Variants in TEK observed in about 807,000 individuals in gnomAD.
The protein encoded by TEK is TEK receptor tyrosine kinase.
A neutral mutation model predicts 131.8 loss-of-function variants in TEK; 43 were observed. That is an observed-to-expected ratio of 0.33 (90% CI 0.26 to 0.42). The LOEUF (loss-of-function observed/expected upper bound fraction) is 0.42. TEK is among the 10% of genes least tolerant of loss of function. TEK has a pLI of 1.00. For synonymous variants in TEK, 580 were observed against 491.6 expected, an observed-to-expected ratio of 1.18 and a Z score of -2.38; for missense variants, 1,162 against 1,384.4, an observed-to-expected ratio of 0.84 and a Z score of 2.55.
At chr9:27,169,126 A>G (rs3818283) in intron 3 of TEK, among the ~76,000 whole-genome samples, 114,655 of 152,060 alleles carry the variant, frequency 0.75, 43,554 homozygotes, top group Middle Eastern at 0.86. Flanking sequence ...GCGATTATAG[A>G]TATCTCCTGG....
At chr9:27,187,806 G>A (rs1324206527) in intron 9 of TEK, among the ~76,000 whole-genome samples, 1 of 152,032 alleles carries the variant, frequency 6.6e-6, no homozygotes, top group Non-Finnish European at 1.5e-5. Context: ...TTAGGACACA[G>A]GTACAGGGTC....
At chr9:27,162,884 T>G (rs1823594374) in intron 2 of TEK, among the ~76,000 whole-genome samples, 1 of 152,028 alleles carries the variant, frequency 6.6e-6, no homozygotes, top group Non-Finnish European at 1.5e-5. Flanking sequence ...CCCAGCTTGT[T>G]TTCGTATTTT....
At chr9:27,200,183 G>A (rs1449547931) in intron 12 of TEK, among the ~76,000 whole-genome samples, 1 of 151,992 alleles carries the variant, frequency 6.6e-6, no homozygotes, top group Non-Finnish European at 1.5e-5. Flanking sequence ...ATCTATTTCT[G>A]GATGTTCTGT....
chr9:27,154,097 T>C (rs1234624851), intron 1 of TEK, among the ~76,000 whole-genome samples: 1 of 152,216 alleles, frequency 6.6e-6, no homozygotes, highest in African/African-American at 2.4e-5. Flanking sequence ...GGGACATATA[T>C]GTCCATGGCT....
intron 2 of TEK, among the ~76,000 whole-genome samples, chr9:27,162,021 T>C (rs1328068054): frequency 2.0e-5 from 3 of 152,148 alleles, no homozygotes; most frequent in Non-Finnish European, 4.4e-5. Flanking sequence ...AATGGAAAAA[T>C]AGGTATGTTC....
At chr9:27,212,447 C>T (rs1334307744) in intron 16 of TEK, among the ~76,000 whole-genome samples, 1 of 152,084 alleles carries the variant, frequency 6.6e-6, no homozygotes, top group African/African-American at 2.4e-5. Context: ...TTTCAGGAAG[C>T]CCTCTGTGTG....
chr9:27,132,779 G>A (rs1822273575), intron 1 of TEK, among the ~76,000 whole-genome samples: 2 of 152,132 alleles, frequency 1.3e-5, no homozygotes, highest in Admixed American at 1.3e-4. Flanking sequence ...GTTTTTAAAT[G>A]TATGGTCACC....
intron 15 of TEK, among the ~76,000 whole-genome samples, chr9:27,206,994 C>T (rs1022426473): frequency 6.6e-6 from 1 of 152,356 alleles, no homozygotes; most frequent in African/African-American, 2.4e-5. Flanking sequence ...GCCATTTAAA[C>T]ATCACTGTCT....
At chr9:27,206,846 G>T in intron 15 of TEK, 54 bp downstream of exon 15, 1 of 1,577,706 alleles carries the variant, frequency 6.3e-7, no homozygotes, top group South Asian at 1.1e-5. Context: ...GAGAAAACTT[G>T]ATTTCCTGCT....
At chr9:27,165,529 T>A (rs946019847) in intron 2 of TEK, among the ~76,000 whole-genome samples, 4 of 152,162 alleles carry the variant, frequency 2.6e-5, no homozygotes, top group African/African-American at 9.7e-5. Flanking sequence ...CATGCTCATA[T>A]CACAAATGTC....
intron 1 of TEK, among the ~76,000 whole-genome samples, chr9:27,125,660 A>G (rs1282200208): frequency 6.6e-6 from 1 of 152,210 alleles, no homozygotes; most frequent in Non-Finnish European, 1.5e-5. Flanking sequence ...GAGGATAACA[A>G]TATTACCCTT....
intron 20 of TEK, among the ~76,000 whole-genome samples, 165 bp from the exon 21 acceptor site, chr9:27,219,884 C>T (rs143940612): frequency 1.3e-5 from 2 of 152,278 alleles, no homozygotes; most frequent in East Asian, 3.9e-4. Flanking sequence ...ATAGTGTAAG[C>T]CCAGCTTTGA....
At chr9:27,124,627 T>C (rs1241615407) in intron 1 of TEK, among the ~76,000 whole-genome samples, 1 of 152,208 alleles carries the variant, frequency 6.6e-6, no homozygotes, top group African/African-American at 2.4e-5. Flanking sequence ...TTGGGGCCAA[T>C]AATTCAACCT....
At chr9:27,194,927 C>T (rs1824952941) in intron 11 of TEK, among the ~76,000 whole-genome samples, 1 of 151,964 alleles carries the variant, frequency 6.6e-6, no homozygotes, top group African/African-American at 2.4e-5. Flanking sequence ...AAGGGGCAGA[C>T]AGGGAGGCGT....
At chr9:27,190,386 G>A in intron 9 of TEK, 143 bp from the exon 10 acceptor site, 1 of 909,566 alleles carries the variant, frequency 1.1e-6, no homozygotes, top group South Asian at 1.6e-5. Flanking sequence ...AGAGCTTAGA[G>A]AGCAGGTGAT....
chr9:27,113,363 G>T (rs1225131345), intron 1 of TEK, among the ~76,000 whole-genome samples: 1 of 152,104 alleles, frequency 6.6e-6, no homozygotes, highest in Non-Finnish European at 1.5e-5. Flanking sequence ...GGCCCAGGCA[G>T]GTGGATCATG....
Position 27,228,277 on chromosome 9 carries a change from C to G in TEK, c.3272C>G (p.Ser1091Cys), listed in dbSNP as rs1564115424. Residue 1091 changes from serine to cysteine, a missense_variant, in exon 22 of 23, where the codon TCC becomes TGC. Physicochemically the swap from Ser to Cys is moderately radical, Grantham distance 112. Transcript: ENST00000380036. ...CCATCATTTGCCCAGATATTGGTGT[C>G]CTTAAACAGAATGTTAGAGGAGCGA... ...ERPSFAQILV[S>C]LNRMLEERKT... is the part of the protein sequence containing the mutation. The G allele has an allele frequency of 6.2e-7, 1 of 1,612,880 alleles. No individual in the cohort carries two copies. The highest frequency in any genetic ancestry group is 2.2e-5 in the East Asian group (1 of 44,864).
In TEK at chr9:27,203,130, T is replaced by A. The variant is rs528392272; in HGVS notation, c.2209+11T>A. 18 of 1,613,916 alleles carry A rather than the reference T, an allele frequency of 1.1e-5. No homozygotes were observed. Among genetic ancestry groups the A allele is most frequent in the Middle Eastern group, 1.7e-4 (1 of 6,060 alleles). ...TCCCAGAATCTCAAGGTTGGTTGAA[T>A]GGACAAGTATTTACATAGGATTACC... On this transcript the variant is annotated intron_variant, in intron 13 of 22. Transcript: ENST00000380036.
intron 21 of TEK, among the ~76,000 whole-genome samples, chr9:27,225,492 G>T (rs181486545): frequency 6.6e-6 from 1 of 152,106 alleles, no homozygotes; most frequent in Admixed American, 6.6e-5. Context: ...AATGGGGAAA[G>T]GATTCCCTAT....
Sources: gnomAD v4.1 joint callset for allele counts (sites outside exome capture counted in the v4.1 genomes callset) on GRCh38, gnomAD v4.1.1 for gene constraint, MANE v1.5 for transcripts, NCBI Gene and HGNC (gene_info 2026-07-23, HGNC 2026-07-21) for gene names.